Variants in KCNH1 observed in about 807,000 individuals in gnomAD.
KCNH1 encodes the protein voltage-gated delayed rectifier potassium channel KCNH1.
KCNH1 carries 27 observed loss-of-function variants against 69.2 expected under a neutral mutation model. The ratio of observed to expected loss-of-function variants is 0.39; its 90% CI spans 0.29 to 0.54. The LOEUF (loss-of-function observed/expected upper bound fraction) is 0.54. Ranked by LOEUF, KCNH1 falls within the 20% of genes least tolerant of loss-of-function variation. The pLI, the probability that KCNH1 is intolerant of heterozygous loss-of-function variation, is 0.68. For synonymous variants in KCNH1, 456 were observed against 487.7 expected (o/e 0.93, Z 0.86); for missense variants, 798 against 1,261.6 (o/e 0.63, Z 5.57).
intron 3 of KCNH1, among the ~76,000 whole-genome samples, chr1:211,098,616 T>C (rs1203332187): frequency 6.6e-6 from 1 of 151,928 alleles, no homozygotes; most frequent in Non-Finnish European, 1.5e-5. Flanking sequence ...CCCTACAGAA[T>C]GAGACTGGGA....
At position 211,057,368 on chromosome 1, in the gene KCNH1, G is replaced by A. The variant is rs1690330093; in HGVS notation, c.558+25412C>T. Among the ~76,000 whole-genome samples the A allele has an allele frequency of 2.0e-5, 3 of 152,180 alleles. No individual in the cohort carries two copies. In the South Asian group the frequency reaches 6.2e-4, roughly 32 times the overall value. On this transcript the variant is annotated intron_variant, in intron 5 of 10. Coordinates refer to ENST00000271751, the MANE Select transcript of KCNH1 (RefSeq NM_172362.3). ...AAGGAATTAAAAGCCAGGCACAGTG[G>A]CTCATGCCTGTGGTCCTAGTACTTT... is the stretch of plus-strand genomic sequence containing the variant.
chr1:210,792,927 G>A (rs543906860), intron 9 of KCNH1, among the ~76,000 whole-genome samples: 95 of 152,224 alleles, frequency 6.2e-4, no homozygotes, highest in African/African-American at 2.1e-3. Flanking sequence ...CAGTAACACA[G>A]AATACCAAGA....
chr1:211,041,140 C>T (rs1689987941), intron 5 of KCNH1, among the ~76,000 whole-genome samples: 1 of 152,202 alleles, frequency 6.6e-6, no homozygotes, highest in South Asian at 2.1e-4. Context: ...AATGTCTCCA[C>T]TTTCTCACCT....
chr1:210,806,861 G>A (rs1440528436), intron 7 of KCNH1, among the ~76,000 whole-genome samples: 2 of 111,644 alleles, frequency 1.8e-5, no homozygotes, highest in African/African-American at 7.3e-5. Flanking sequence ...ATATAAATTT[G>A]CCGGGCATGG....
chr1:211,110,645 C>T (rs1190262496), intron 1 of KCNH1, among the ~76,000 whole-genome samples: 1 of 151,872 alleles, frequency 6.6e-6, no homozygotes, highest in African/African-American at 2.4e-5. Flanking sequence ...GCTAAAAATA[C>T]AGGTGATAAA....
intron 10 of KCNH1, among the ~76,000 whole-genome samples, chr1:210,703,560 C>T (rs1681833520): frequency 6.6e-6 from 1 of 152,206 alleles, no homozygotes; most frequent in Non-Finnish European, 1.5e-5. Flanking sequence ...AACAAACACA[C>T]AACTAGTACA....
chr1:210,685,718 C>A (rs1681394484), intron 10 of KCNH1, among the ~76,000 whole-genome samples: 1 of 130,170 alleles, frequency 7.7e-6, no homozygotes, highest in South Asian at 3.0e-4. Context: ...CTTTCACAGC[C>A]CCCAGATGAA....
intron 1 of KCNH1, chr1:211,108,706 C>T (rs1192041440): frequency 6.6e-6 from 1 of 152,218 alleles, no homozygotes; most frequent in Non-Finnish European, 1.5e-5. Context: ...ATACAGCAAT[C>T]TATTCTTGAG....
intron 5 of KCNH1, among the ~76,000 whole-genome samples, chr1:211,020,685 CA>C (rs1002518631): frequency 1.3e-5 from 2 of 151,584 alleles, no homozygotes; most frequent in Admixed American, 6.6e-5. Flanking sequence ...AAAGGCAAAA[CA>C]AAAAAGAAAA....
At chr1:210,756,345 G>A (rs966761602) in intron 10 of KCNH1, among the ~76,000 whole-genome samples, 1 of 152,186 alleles carries the variant, frequency 6.6e-6, no homozygotes, top group Admixed American at 6.5e-5. Context: ...CAGGGTTTTA[G>A]ATGCTATAAC....
intron 1 of KCNH1, among the ~76,000 whole-genome samples, chr1:211,124,956 C>T (rs777434583): frequency 1.3e-5 from 2 of 152,122 alleles, no homozygotes; most frequent in East Asian, 3.9e-4. Context: ...AGAGGTAGAA[C>T]CAGCCAATTG....
At chr1:211,130,794 G>T (rs576111753) in intron 1 of KCNH1, among the ~76,000 whole-genome samples, 111 of 152,080 alleles carry the variant, frequency 7.3e-4, no homozygotes, top group African/African-American at 2.7e-3. Context: ...TTTATAATGG[G>T]GCACACAGAT....
chr1:210,734,628 C>T (rs1396441298), intron 10 of KCNH1, among the ~76,000 whole-genome samples: 1 of 152,136 alleles, frequency 6.6e-6, no homozygotes, highest in Non-Finnish European at 1.5e-5. Flanking sequence ...GAGGCACGGC[C>T]TTCCTGGGGT....
intron 6 of KCNH1, among the ~76,000 whole-genome samples, chr1:211,009,109 A>G (rs1221939376): frequency 6.6e-6 from 1 of 152,212 alleles, no homozygotes; most frequent in Non-Finnish European, 1.5e-5. Flanking sequence ...GGAACAGACT[A>G]TGGAGTGCCT....
chr1:211,030,785 CTG>C (rs1262735834), intron 5 of KCNH1, among the ~76,000 whole-genome samples: 1 of 151,982 alleles, frequency 6.6e-6, no homozygotes, highest in East Asian at 1.9e-4. Context: ...AAACAAAAGA[CTG>C]TGTTGAGGAT....
At chr1:210,982,871 C>T (rs1174400341) in intron 6 of KCNH1, among the ~76,000 whole-genome samples, 2 of 152,118 alleles carry the variant, frequency 1.3e-5, no homozygotes, top group East Asian at 1.9e-4. Flanking sequence ...GTTGAACTAG[C>T]TTACAGTCCC....
intron 4 of KCNH1, 85 bp downstream of exon 4, chr1:211,090,476 CT>C: frequency 8.1e-7 from 1 of 1,240,398 alleles, no homozygotes; most frequent in African/African-American, 1.5e-5. Context: ...AAGTGATTGC[CT>C]TGACAACCTT....
intron 7 of KCNH1, among the ~76,000 whole-genome samples, chr1:210,816,432 C>T (rs1453539485): frequency 3.3e-5 from 5 of 152,186 alleles, no homozygotes; most frequent in Admixed American, 1.3e-4. Flanking sequence ...GTTTTAATAG[C>T]ACCACAGATA....
intron 10 of KCNH1, among the ~76,000 whole-genome samples, chr1:210,755,285 T>C (rs2102343467): frequency 6.6e-6 from 1 of 152,284 alleles, no homozygotes; most frequent in East Asian, 1.9e-4. Flanking sequence ...CCAAGGAGTT[T>C]TGTTGCTTGT....
Sources: gnomAD v4.1 joint callset for allele counts (sites outside exome capture counted in the v4.1 genomes callset) on GRCh38, gnomAD v4.1.1 for gene constraint, MANE v1.5 for transcripts, NCBI Gene and HGNC (gene_info 2026-07-23, HGNC 2026-07-21) for gene names.